The following TTC7B variants were observed in gnomAD, a reference collection of about 807,000 sequenced individuals.
TTC7B encodes the protein tetratricopeptide repeat protein 7B.
A neutral mutation model predicts 106.8 loss-of-function variants in TTC7B; 28 were observed. The observed-to-expected ratio is 0.26, with a 90% CI of 0.19 to 0.36. The LOEUF is 0.36. Ranked by LOEUF, TTC7B falls within the 10% of genes least tolerant of loss-of-function variation. The probability of loss-of-function intolerance (pLI) is 1.00; values close to 1 mark genes in which losing one functional copy is unlikely to be tolerated. For missense variants in TTC7B, 862 were observed against 1,076.4 expected, an observed-to-expected ratio of 0.80 and a Z score of 2.79; for synonymous variants, 405 against 430.6, an observed-to-expected ratio of 0.94 and a Z score of 0.74.
intron 1 of TTC7B, among the ~76,000 whole-genome samples, chr14:90,797,729 G>A (rs2140052559): frequency 6.6e-6 from 1 of 152,276 alleles, no homozygotes; most frequent in East Asian, 1.9e-4. Flanking sequence ...TTATCCCACA[G>A]ATATATGCAA....
At chr14:90,639,307 T>A (rs1408509782) in intron 15 of TTC7B, among the ~76,000 whole-genome samples, 1 of 152,086 alleles carries the variant, frequency 6.6e-6, no homozygotes, top group Non-Finnish European at 1.5e-5. Context: ...CACATATAAC[T>A]AAGAAAAAGA....
chr14:90,571,369 G>A (rs4900047), intron 19 of TTC7B, among the ~76,000 whole-genome samples: 8,161 of 152,162 alleles, frequency 0.054, 552 homozygotes, highest in East Asian at 0.31. Context: ...CTTTGTCCTC[G>A]GCACTGTGAG....
intron 5 of TTC7B, among the ~76,000 whole-genome samples, chr14:90,726,933 TG>T (rs1202828578): frequency 6.6e-6 from 1 of 151,802 alleles, no homozygotes; most frequent in Non-Finnish European, 1.5e-5. Flanking sequence ...GACTCGGGAC[TG>T]GGAGGTGGAG....
At chr14:90,765,692 T>C (rs1024450764) in intron 3 of TTC7B, among the ~76,000 whole-genome samples, 8 of 152,184 alleles carry the variant, frequency 5.3e-5, no homozygotes, top group African/African-American at 1.9e-4. Context: ...TTTAGCATAG[T>C]AGAAGCTGTG....
At chr14:90,555,624 G>C (rs771967310) in intron 19 of TTC7B, among the ~76,000 whole-genome samples, 22 of 152,192 alleles carry the variant, frequency 1.4e-4, no homozygotes, top group Non-Finnish European at 2.5e-4. Flanking sequence ...CAGCCCAGCC[G>C]CCTAACCCAG....
intron 17 of TTC7B, among the ~76,000 whole-genome samples, chr14:90,595,899 G>A (rs1892182412): frequency 6.6e-6 from 1 of 152,136 alleles, no homozygotes; most frequent in East Asian, 1.9e-4. Context: ...GTCAAAAAAA[G>A]CCTGTACACG....
rs1887386001 is a variant in TTC7B, at chr14:90,689,599, T to C, written c.891A>G (p.Lys297=). ...CQSPLDDPLR[K]GANTKTYTLT... Reference sequence around the variant, plus strand: ...GAGTGTAGGTTTTTGTGTTTGCTCCTTTGCGGAGAGGATCGTCCAGAGGTG... The same window carrying C: ...GAGTGTAGGTTTTTGTGTTTGCTCCCTTGCGGAGAGGATCGTCCAGAGGTG... The change falls in exon 7 of 20, where the codon AAA becomes AAG. Residue 297 remains lysine, a synonymous_variant. Coordinates refer to ENST00000328459, the MANE Select transcript of TTC7B (RefSeq NM_001010854.2). 2 of 1,614,140 alleles carry C rather than the reference T, an allele frequency of 1.2e-6. No individual in the cohort carries two copies. Among genetic ancestry groups the C allele is most frequent in the Non-Finnish European group, 1.7e-6 (2 of 1,180,012 alleles).
At chr14:90,811,080 A>G (rs1402813379) in intron 1 of TTC7B, among the ~76,000 whole-genome samples, 2 of 152,302 alleles carry the variant, frequency 1.3e-5, no homozygotes, top group South Asian at 2.1e-4. Flanking sequence ...AAGAAATCCA[A>G]ATCCTTCTGC....
intron 16 of TTC7B, among the ~76,000 whole-genome samples, chr14:90,616,467 C>A (rs770805393): frequency 6.6e-5 from 10 of 151,676 alleles, no homozygotes; most frequent in African/African-American, 2.4e-4. Context: ...AGCAGCACAG[C>A]GCCGCGCCGC....
intron 1 of TTC7B, among the ~76,000 whole-genome samples, chr14:90,787,214 G>A (rs1363077649): frequency 1.3e-5 from 2 of 152,136 alleles, no homozygotes; most frequent in South Asian, 2.1e-4. Context: ...TTTTACTCCC[G>A]AGAGCATACT....
intron 13 of TTC7B, chr14:90,648,772 G>A (rs1323022027): frequency 6.6e-6 from 1 of 152,098 alleles, no homozygotes; most frequent in Non-Finnish European, 1.5e-5. Flanking sequence ...ATAAAAGTGA[G>A]ATTGAAAAAT....
intron 2 of TTC7B, among the ~76,000 whole-genome samples, chr14:90,784,429 T>C (rs57991374): frequency 0.27 from 41,335 of 151,716 alleles, 9,284 homozygotes; most frequent in African/African-American, 0.62. Flanking sequence ...TGGTGGCGGG[T>C]GCCTGTAGTC....
At chr14:90,564,682 G>A (rs941732334) in intron 19 of TTC7B, among the ~76,000 whole-genome samples, 1 of 152,182 alleles carries the variant, frequency 6.6e-6, no homozygotes, top group Non-Finnish European at 1.5e-5. Flanking sequence ...GCAGAGTTGG[G>A]AGGATTGCTT....
At chr14:90,595,596 A>G (rs1892169502) in intron 17 of TTC7B, among the ~76,000 whole-genome samples, 1 of 152,174 alleles carries the variant, frequency 6.6e-6, no homozygotes, top group Non-Finnish European at 1.5e-5. Context: ...TTTAGTAGCA[A>G]TGAAAGTTAA....
intron 5 of TTC7B, chr14:90,699,519 T>A (rs1198620023): frequency 3.3e-6 from 1 of 305,910 alleles, no homozygotes; most frequent in Non-Finnish European, 6.3e-6. Flanking sequence ...CACCTGTCAT[T>A]GTCGTGGAAA....
chr14:90,798,832 GC>G (rs1478179551), intron 1 of TTC7B, among the ~76,000 whole-genome samples: 1 of 151,866 alleles, frequency 6.6e-6, no homozygotes, highest in Non-Finnish European at 1.5e-5. Context: ...ATGGAAGGGA[GC>G]AAGAGGACAT....
At chr14:90,594,652 G>C (rs1428044770) in intron 17 of TTC7B, among the ~76,000 whole-genome samples, 1 of 152,072 alleles carries the variant, frequency 6.6e-6, no homozygotes, top group East Asian at 1.9e-4. Context: ...TACCAACATT[G>C]AGAGTGGTAA....
chr14:90,769,026 G>A (rs1890778103), intron 3 of TTC7B, among the ~76,000 whole-genome samples: 1 of 152,142 alleles, frequency 6.6e-6, no homozygotes, highest in African/African-American at 2.4e-5. Context: ...ATAATTTTGT[G>A]ACATCGGTAA....
intron 19 of TTC7B, among the ~76,000 whole-genome samples, chr14:90,576,770 A>G (rs907384244): frequency 2.0e-5 from 3 of 152,180 alleles, no homozygotes; most frequent in African/African-American, 7.2e-5. Context: ...TCTGCTGGAA[A>G]CCAGCAGTTA....
Sources: allele counts gnomAD v4.1 joint callset (sites outside exome capture counted in the v4.1 genomes callset), GRCh38; gene constraint gnomAD v4.1.1; transcripts MANE v1.5; gene names NCBI Gene and HGNC (gene_info 2026-07-23, HGNC 2026-07-21).